AGBL1: variants seen among roughly 807,000 people sequenced by gnomAD.
The protein encoded by AGBL1 is cytosolic carboxypeptidase 4.
AGBL1 carries 130 observed loss-of-function variants against 118.9 expected under a neutral mutation model. The observed-to-expected ratio is 1.09, with a 90% CI of 0.95 to 1.26. The LOEUF (loss-of-function observed/expected upper bound fraction) is 1.26, where lower values mean the gene tolerates loss of function less well. Ranked by LOEUF, AGBL1 falls within the 50% of genes most tolerant of loss-of-function variation. AGBL1 has a pLI of 0.00. For missense variants in AGBL1, 1,584 were observed against 1,298.1 expected (o/e 1.22, Z -3.38); for synonymous variants, 555 against 478.9 (o/e 1.16, Z -2.08).
intron 22 of AGBL1, among the ~76,000 whole-genome samples, chr15:86,808,832 T>G (rs2078752203): frequency 6.6e-6 from 1 of 151,968 alleles, no homozygotes; most frequent in Non-Finnish European, 1.5e-5. Context: ...TCTTCTTGAC[T>G]TCAATTTTAG....
At chr15:86,229,393 C>G (rs956045342) in intron 6 of AGBL1, among the ~76,000 whole-genome samples, 2 of 152,232 alleles carry the variant, frequency 1.3e-5, no homozygotes, top group Admixed American at 6.5e-5. Context: ...CAAAAAAACC[C>G]TTATGAAACC....
chr15:86,705,111 C>T (rs1051107407), intron 22 of AGBL1, among the ~76,000 whole-genome samples: 5 of 152,116 alleles, frequency 3.3e-5, no homozygotes, highest in East Asian at 1.9e-4. Flanking sequence ...GGGAGGGAAA[C>T]GTCACACACT....
At chr15:86,326,750 T>C (rs1403307062) in intron 17 of AGBL1, among the ~76,000 whole-genome samples, 1 of 152,140 alleles carries the variant, frequency 6.6e-6, no homozygotes, top group African/African-American at 2.4e-5. Context: ...AATATCTGTC[T>C]GGAGCAGAAG....
chr15:86,412,655 A>G (rs1014585085), intron 18 of AGBL1, among the ~76,000 whole-genome samples: 3 of 152,166 alleles, frequency 2.0e-5, no homozygotes, highest in African/African-American at 7.2e-5. Context: ...TCCTGTGACC[A>G]TGTGCCCTTC....
chr15:87,023,259 A>G (rs550881697), intron 24 of AGBL1, among the ~76,000 whole-genome samples: 1 of 152,202 alleles, frequency 6.6e-6, no homozygotes, highest in South Asian at 2.1e-4. Flanking sequence ...AAGGACTCAC[A>G]CAAACTTAAG....
At chr15:86,982,483 C>T (rs1207275901) in intron 23 of AGBL1, among the ~76,000 whole-genome samples, 1 of 151,578 alleles carries the variant, frequency 6.6e-6, no homozygotes, top group Non-Finnish European at 1.5e-5. Context: ...TGAATGTGAT[C>T]TCATTTACTT....
At chr15:86,561,839 G>A (rs1217723825) in intron 21 of AGBL1, among the ~76,000 whole-genome samples, 1 of 152,106 alleles carries the variant, frequency 6.6e-6, no homozygotes, top group African/African-American at 2.4e-5. Flanking sequence ...TTGAGCAGTG[G>A]TTTGTAGTTC....
chr15:86,620,755 G>T (rs2084791337), intron 21 of AGBL1, among the ~76,000 whole-genome samples: 1 of 151,902 alleles, frequency 6.6e-6, no homozygotes, highest in Admixed American at 6.6e-5. Flanking sequence ...TTTGCAACCT[G>T]CCAGCTATGT....
chr15:86,086,996 T>C (rs902223449), intron 1 of AGBL1, among the ~76,000 whole-genome samples: 1 of 152,202 alleles, frequency 6.6e-6, no homozygotes, highest in African/African-American at 2.4e-5. Flanking sequence ...AGTTGTGGGA[T>C]GCTAGGGTGC....
chr15:86,761,423 A>C (rs1433285264), intron 22 of AGBL1, among the ~76,000 whole-genome samples: 1 of 152,044 alleles, frequency 6.6e-6, no homozygotes, highest in Non-Finnish European at 1.5e-5. Flanking sequence ...TAGGTCCTGA[A>C]AGTTACTTGA....
chr15:86,636,758 T>A (rs2437790), intron 21 of AGBL1, among the ~76,000 whole-genome samples: 1 of 29,988 alleles, frequency 3.3e-5, no homozygotes, highest in South Asian at 2.0e-3. Context: ...TATATATATA[T>A]ACACATACAT....
intron 1 of AGBL1, among the ~76,000 whole-genome samples, chr15:86,140,397 T>G (rs1225021836): frequency 1.3e-5 from 2 of 152,068 alleles, no homozygotes; most frequent in African/African-American, 4.8e-5. Context: ...CCTTTGGGGA[T>G]GTTGTTGGAC....
At chr15:86,709,556 A>G (rs1052083012) in intron 22 of AGBL1, among the ~76,000 whole-genome samples, 2 of 152,176 alleles carry the variant, frequency 1.3e-5, no homozygotes, top group Non-Finnish European at 2.9e-5. Flanking sequence ...ATGCAAAGAC[A>G]TTCAACAAAT....
At chr15:87,015,620 G>T (rs1159407437) in intron 24 of AGBL1, among the ~76,000 whole-genome samples, 1 of 152,044 alleles carries the variant, frequency 6.6e-6, no homozygotes. Flanking sequence ...TTTAGTGGAG[G>T]GAAACAGATG....
intron 17 of AGBL1, among the ~76,000 whole-genome samples, chr15:86,322,030 C>T (rs1010228953): frequency 6.6e-6 from 1 of 150,802 alleles, no homozygotes; most frequent in Non-Finnish European, 1.5e-5. Flanking sequence ...GCCTGTTACC[C>T]ATCCTTTGAT....
intron 23 of AGBL1, among the ~76,000 whole-genome samples, chr15:86,962,562 T>C (rs1169233883): frequency 2.0e-5 from 3 of 152,094 alleles, no homozygotes; most frequent in African/African-American, 7.2e-5. Context: ...GAAATTTTGC[T>C]TCATAAAGCT....
chr15:86,111,693 T>G (rs183610058), intron 1 of AGBL1, among the ~76,000 whole-genome samples: 2 of 152,304 alleles, frequency 1.3e-5, no homozygotes, highest in Admixed American at 1.3e-4. Context: ...AAAGGCATGC[T>G]CTTACTTGTT....
intron 8 of AGBL1, among the ~76,000 whole-genome samples, chr15:86,257,734 C>T (rs1341269125): frequency 6.6e-6 from 1 of 152,142 alleles, no homozygotes; most frequent in Non-Finnish European, 1.5e-5. Context: ...ATTTTGCATT[C>T]AATGTGGGAT....
chr15:86,930,383 G>C (rs2080591084), intron 23 of AGBL1, among the ~76,000 whole-genome samples: 1 of 152,162 alleles, frequency 6.6e-6, no homozygotes, highest in African/African-American at 2.4e-5. Flanking sequence ...GCGTGAGGCA[G>C]GGAGGGACAG....
Sources: gnomAD v4.1 joint callset for allele counts (sites outside exome capture counted in the v4.1 genomes callset) on GRCh38, gnomAD v4.1.1 for gene constraint, MANE v1.5 for transcripts, NCBI Gene and HGNC (gene_info 2026-07-23, HGNC 2026-07-21) for gene names.